Variants in PLPP4 observed in about 807,000 individuals in gnomAD.
PLPP4 encodes the protein diacylglycerol pyrophosphate like 2.
Under a neutral mutation model 32.2 loss-of-function variants are expected in PLPP4, and 20 were observed. That is an observed-to-expected ratio of 0.62 (90% CI 0.44 to 0.90). The LOEUF (loss-of-function observed/expected upper bound fraction) is 0.90, where lower values mean the gene tolerates loss of function less well. Ranked by LOEUF, PLPP4 falls within the 40% of genes least tolerant of loss-of-function variation. The pLI is 0.00. For missense variants in PLPP4, 257 were observed against 353.1 expected, an observed-to-expected ratio of 0.73 and a Z score of 2.18; for synonymous variants, 127 against 133.0, an observed-to-expected ratio of 0.95 and a Z score of 0.31.
At position 120,575,192 on chromosome 10, in the gene PLPP4, C is replaced by T. The variant is rs367745595; in HGVS notation, c.507C>T (p.Thr169=). The T allele has an allele frequency of 3.2e-5, 52 of 1,613,874 alleles. No individual in the cohort carries two copies. Among genetic ancestry groups the T allele is most frequent in the Non-Finnish European group, 4.3e-5 (51 of 1,180,042 alleles). ...FYLAGKLHCF[T]ESGRGKSWRL... Reference sequence around the variant, plus strand: ...TGGCGGGCAAGCTGCACTGCTTCACCGAGAGTGGGCGGGGAAAGAGCTGGC... The same window carrying T: ...TGGCGGGCAAGCTGCACTGCTTCACTGAGAGTGGGCGGGGAAAGAGCTGGC... Residue 169 remains threonine, a synonymous_variant, in exon 6 of 7, where the codon ACC becomes ACT. Transcript: ENST00000398250.
rs565471348 is a variant in PLPP4 at position 120,572,587 on chromosome 10, C to T, written c.446-2544C>T. 1.2e-3 allele frequency among the ~76,000 whole-genome samples: 175 copies of T among 152,098 alleles called. 6 individuals are homozygous for T. In the South Asian group the frequency reaches 0.035, roughly 30 times the overall value. On this transcript the variant is annotated intron_variant, in intron 5 of 6. Transcript: ENST00000398250. ...GACTTTCATCCAAAACCATACAAAG[C>T]CCCAGGGCAGTTTTTTTTGTGTTTC...
At chr10:120,496,575 C>CA (rs1844972342) in intron 1 of PLPP4, among the ~76,000 whole-genome samples, 1 of 152,148 alleles carries the variant, frequency 6.6e-6, no homozygotes, top group African/African-American at 2.4e-5. Context: ...TGCGTACAAG[C>CA]AAAAACCTCA....
At chr10:120,509,822 T>A (rs1369514650) in intron 2 of PLPP4, among the ~76,000 whole-genome samples, 2 of 152,224 alleles carry the variant, frequency 1.3e-5, no homozygotes, top group African/African-American at 4.8e-5. Flanking sequence ...TTTCTATGAC[T>A]TATCTATGAC....
Position 120,589,297 on chromosome 10 carries a change from G to A in PLPP4, c.617-6G>A. The A allele has an allele frequency of 6.2e-7, 1 of 1,613,968 alleles. No homozygotes were observed. The highest frequency in any genetic ancestry group is 1.3e-5 in the African/African-American group (1 of 75,034). On this transcript the variant is annotated splice_region_variant and splice_polypyrimidine_tract_variant and intron_variant, in intron 6 of 6. Coordinates refer to ENST00000398250, the MANE Select transcript of PLPP4 (RefSeq NM_001030059.3). Reference sequence around the variant, plus strand: ...CATTTTTCCTGCTCTGCTGTTTCCTGCCTAGATTCCTTTGTGGGTGGAGTC... The same window carrying A: ...CATTTTTCCTGCTCTGCTGTTTCCTACCTAGATTCCTTTGTGGGTGGAGTC...
intron 1 of PLPP4, among the ~76,000 whole-genome samples, chr10:120,479,339 C>A (rs1419332321): frequency 6.6e-6 from 1 of 152,242 alleles, no homozygotes; most frequent in East Asian, 1.9e-4. Context: ...TTCCTCCCAG[C>A]AGTGCCTGAT....
intron 5 of PLPP4, among the ~76,000 whole-genome samples, chr10:120,568,369 TC>T (rs1430888815): frequency 6.6e-6 from 1 of 152,134 alleles, no homozygotes; most frequent in Non-Finnish European, 1.5e-5. Context: ...GTATGACATC[TC>T]GTAAAAGGCA....
intron 5 of PLPP4, among the ~76,000 whole-genome samples, chr10:120,563,277 G>A (rs558631370): frequency 5.3e-5 from 8 of 152,026 alleles, no homozygotes; most frequent in Non-Finnish European, 1.0e-4. Flanking sequence ...CAAAAAAGAT[G>A]TAAAGATACA....
intron 5 of PLPP4, among the ~76,000 whole-genome samples, chr10:120,550,585 A>G (rs946101412): frequency 3.9e-5 from 6 of 151,974 alleles, no homozygotes; most frequent in African/African-American, 1.2e-4. Flanking sequence ...TAAATAGATC[A>G]ATAAAACAGA....
intron 2 of PLPP4, among the ~76,000 whole-genome samples, chr10:120,508,425 T>A (rs557337683): frequency 3.3e-5 from 5 of 152,306 alleles, no homozygotes; most frequent in Middle Eastern, 3.4e-3. Flanking sequence ...GTTTTGTCTG[T>A]TGTGAATAAA....
chr10:120,522,805 T>C (rs1310906985), intron 5 of PLPP4, among the ~76,000 whole-genome samples: 2 of 152,210 alleles, frequency 1.3e-5, no homozygotes, highest in Non-Finnish European at 2.9e-5. Flanking sequence ...TGTGATGAGA[T>C]GGATATGGTA....
chr10:120,459,771 G>A (rs895726045), intron 1 of PLPP4, among the ~76,000 whole-genome samples: 1 of 152,106 alleles, frequency 6.6e-6, no homozygotes, highest in African/African-American at 2.4e-5. Context: ...TTATGCCCCC[G>A]GAGAAACATC....
At chr10:120,476,074 C>A (rs1466966756) in intron 1 of PLPP4, among the ~76,000 whole-genome samples, 1 of 152,182 alleles carries the variant, frequency 6.6e-6, no homozygotes, top group Non-Finnish European at 1.5e-5. Context: ...CACCACTGTC[C>A]ACATGGACAG....
intron 5 of PLPP4, among the ~76,000 whole-genome samples, chr10:120,532,022 G>A (rs1419742664): frequency 1.3e-5 from 2 of 152,060 alleles, no homozygotes; most frequent in Non-Finnish European, 1.5e-5. Context: ...TCAACCCATC[G>A]TCTACATTAG....
intron 2 of PLPP4, among the ~76,000 whole-genome samples, chr10:120,509,337 GC>G (rs1430817221): frequency 6.6e-6 from 1 of 152,172 alleles, no homozygotes; most frequent in Non-Finnish European, 1.5e-5. Flanking sequence ...AGGAGCTAGG[GC>G]TGAACTCACC....
intron 5 of PLPP4, among the ~76,000 whole-genome samples, chr10:120,531,087 CTTTTT>C (rs71019773): frequency 3.0e-5 from 3 of 100,402 alleles, no homozygotes; most frequent in African/African-American, 3.9e-5. Context: ...CTGTCATTTT[CTTTTT>C]TTTTTTTTTT....
At chr10:120,472,913 A>T (rs1341951870) in intron 1 of PLPP4, among the ~76,000 whole-genome samples, 3 of 152,168 alleles carry the variant, frequency 2.0e-5, no homozygotes, top group Non-Finnish European at 4.4e-5. Flanking sequence ...GTTTTATTTC[A>T]GATATTCATG....
chr10:120,503,575 C>A, intron 1 of PLPP4: 1 of 1,609,108 alleles, frequency 6.2e-7, no homozygotes, highest in Non-Finnish European at 8.5e-7. Flanking sequence ...AAAGCTACTC[C>A]CTTATGCATG....
intron 5 of PLPP4, among the ~76,000 whole-genome samples, chr10:120,528,069 G>GTTTTTTTTTT (rs35501001): frequency 1.2e-5 from 1 of 84,270 alleles, no homozygotes; most frequent in African/African-American, 4.8e-5. Flanking sequence ...ACCACTCTCC[G>GTTTTTTTTTT]TTTTTTTTTT....
intron 5 of PLPP4, among the ~76,000 whole-genome samples, chr10:120,563,405 G>A (rs929721383): frequency 6.6e-5 from 10 of 152,174 alleles, no homozygotes; most frequent in Non-Finnish European, 1.5e-4. Flanking sequence ...AAGAGTCTAT[G>A]TGAGTTGATT....
Sources: allele counts gnomAD v4.1 joint callset (sites outside exome capture counted in the v4.1 genomes callset), GRCh38; gene constraint gnomAD v4.1.1; transcripts MANE v1.5; gene names NCBI Gene and HGNC (gene_info 2026-07-23, HGNC 2026-07-21).